Variants in CDK11B observed in about 807,000 individuals in gnomAD.
CDK11B encodes the protein cyclin-dependent kinase 11B.
A neutral mutation model predicts 84.0 loss-of-function variants in CDK11B; 37 were observed. The ratio of observed to expected loss-of-function variants is 0.44; its 90% CI spans 0.34 to 0.58. The LOEUF (loss-of-function observed/expected upper bound fraction) is 0.58. Among genes scored for constraint, CDK11B ranks in the 20% least tolerant of loss-of-function variants. The probability of loss-of-function intolerance (pLI) is 0.02; values close to 1 mark genes in which losing one functional copy is unlikely to be tolerated. For missense variants in CDK11B, 427 were observed against 834.0 expected (o/e 0.51, Z 6.01); for synonymous variants, 269 against 309.8 (o/e 0.87, Z 1.38).
chr1:1,640,739 G>T (rs779721453), intron 10 of CDK11B, among the ~76,000 whole-genome samples: 101 of 152,270 alleles, frequency 6.6e-4, no homozygotes, highest in African/African-American at 2.3e-3. Context: ...CTGCCTGTCG[G>T]AGGCTGGGCC....
At chr1:1,655,607 GA>G in intron 2 of CDK11B, 123 bp from the exon 3 acceptor site, 1 of 1,365,972 alleles carries the variant, frequency 7.3e-7, no homozygotes, top group Non-Finnish European at 9.7e-7. Context: ...TATATACTCT[GA>G]ATGAGCCAGT....
At chr1:1,636,860 G>A in intron 16 of CDK11B, 37 bp downstream of exon 16, 1 of 1,611,696 alleles carries the variant, frequency 6.2e-7, no homozygotes, top group Non-Finnish European at 8.5e-7. Flanking sequence ...GAGGCTGCGT[G>A]GGGGACAGGG....
intron 2 of CDK11B, among the ~76,000 whole-genome samples, chr1:1,655,855 C>T (rs1478086459): frequency 6.6e-6 from 1 of 152,130 alleles, no homozygotes; most frequent in Non-Finnish European, 1.5e-5. Flanking sequence ...TGCACTCCAG[C>T]CTGGCGACAG....
chr1:1,645,292 A>C (rs748765059), intron 5 of CDK11B, 30 bp from the exon 6 acceptor site: 1 of 1,609,954 alleles, frequency 6.2e-7, no homozygotes, highest in Non-Finnish European at 8.5e-7. Flanking sequence ...CATTCCCCCT[A>C]AACAGAAGCT....
At chr1:1,653,580 C>T (rs1372634559) in intron 3 of CDK11B, among the ~76,000 whole-genome samples, 2 of 151,958 alleles carry the variant, frequency 1.3e-5, no homozygotes, top group Non-Finnish European at 2.9e-5. Context: ...CTCAGTCTCT[C>T]AAAGTGTTGG....
chr1:1,637,914 G>A (rs1639629013), intron 12 of CDK11B, 31 bp from the exon 13 acceptor site: 2 of 1,612,546 alleles, frequency 1.2e-6, no homozygotes, highest in Non-Finnish European at 1.7e-6. Context: ...GCACTGAGAG[G>A]CATTCTCAAA....
At chr1:1,637,352 T>C in intron 14 of CDK11B, 56 bp downstream of exon 14, 1 of 1,589,366 alleles carries the variant, frequency 6.3e-7, no homozygotes, top group Non-Finnish European at 8.6e-7. Context: ...ACCGCGGGGG[T>C]GACCAGGACC....
chr1:1,655,426 C>A lies in CDK11B; in HGVS notation c.170G>T (p.Arg57Leu). The A allele has an allele frequency of 6.2e-7, 1 of 1,611,718 alleles. No individual in the cohort carries two copies. The highest frequency in any genetic ancestry group is 8.5e-7 in the Non-Finnish European group (1 of 1,177,894). ...GGAGTTCCTTATTGTGATCTCCATGCGGTGATCTCTCAGCTCCCCCTCCTC... is the reference window on the plus strand; with the variant it reads ...GGAGTTCCTTATTGTGATCTCCATGAGGTGATCTCTCAGCTCCCCCTCCTC... ...SLEEGELRDH[R>L]MEITIRNSPY... The change falls in exon 3 of 20, where the codon CGC becomes CTC. Residue 57 changes from arginine (R) to leucine (L), a missense_variant. By Grantham distance (102) the Arg-to-Leu change is moderately radical (BLOSUM62 -2). Transcript: ENST00000341832.
At position 1,636,353 on chromosome 1, in the gene CDK11B, C is replaced by G. The variant is rs752906606; in HGVS notation, c.2046G>C (p.Gln682His). The change falls in exon 18 of 20, where the codon CAG becomes CAC. Residue 682 changes from glutamine to histidine, a missense_variant. By Grantham distance (24) the Gln-to-His change is conservative. Coordinates refer to ENST00000341832, the MANE Select transcript of CDK11B (RefSeq NM_033486.3). ...CTCACTTGTTCATGAGGTCGAAGCC[C>G]TGGTCTGAGAGCAGAGCCCCGAAGC... is the stretch of plus-strand genomic sequence containing the variant. ...RKRFGALLSD[Q>H]GFDLMNKFLT... 4 of 1,584,204 alleles carry G rather than the reference C, an allele frequency of 2.5e-6. No homozygotes were observed. The highest frequency in any genetic ancestry group is 3.4e-6 in the Non-Finnish European group (4 of 1,165,078).
At chr1:1,649,478 C>T (rs1468990264) in intron 5 of CDK11B, 21 bp downstream of exon 5, 1 of 1,537,490 alleles carries the variant, frequency 6.5e-7, no homozygotes, top group African/African-American at 1.4e-5. Flanking sequence ...ATAAAGTCCT[C>T]AACTGACCCA....
At chr1:1,650,077 TG>T (rs1461742983) in intron 4 of CDK11B, among the ~76,000 whole-genome samples, 7 of 151,120 alleles carry the variant, frequency 4.6e-5, no homozygotes, top group African/African-American at 1.7e-4. Flanking sequence ...GGGACCATCC[TG>T]GCTAACACGG....
intron 1 of CDK11B, among the ~76,000 whole-genome samples, chr1:1,657,926 A>AG (rs1553166541): frequency 0.15 from 16,066 of 110,432 alleles, 775 homozygotes; most frequent in Non-Finnish European, 0.19. Flanking sequence ...AAAAAAAAAA[A>AG]GTAAGCTCTA....
intron 5 of CDK11B, among the ~76,000 whole-genome samples, chr1:1,647,206 T>C (rs1197250740): frequency 1.3e-5 from 2 of 152,266 alleles, no homozygotes; most frequent in East Asian, 3.8e-4. Flanking sequence ...CATCCACAAG[T>C]TGTTTCCAAG....
chr1:1,647,872 T>C (rs577502757), intron 5 of CDK11B, among the ~76,000 whole-genome samples: 25 of 152,324 alleles, frequency 1.6e-4, no homozygotes, highest in South Asian at 1.2e-3. Flanking sequence ...GCAAGGAAAC[T>C]GCAGGTCCTG....
In CDK11B at chr1:1,636,688, C is replaced by T; in HGVS notation, c.1911G>A (p.Val637=). 1 of 1,613,996 alleles carries T rather than the reference C, an allele frequency of 6.2e-7. No individual in the cohort carries two copies. Among genetic ancestry groups the T allele is most frequent in the Non-Finnish European group, 8.5e-7 (1 of 1,179,864 alleles). The change falls in exon 17 of 20, where the codon GTG becomes GTA. Residue 637 remains valine (V), a synonymous_variant. Coordinates refer to ENST00000341832, the MANE Select transcript of CDK11B (RefSeq NM_033486.3). The part of the protein sequence containing the change: ...GKSEIDQINK[V]FKDLGTPSEK... Reference sequence around the variant, plus strand: ...GCAGCAGGGCCAGACCCACCTTGAACACCTTGTTGATCTGATCGATTTCTG... The same window carrying T: ...GCAGCAGGGCCAGACCCACCTTGAATACCTTGTTGATCTGATCGATTTCTG...
intron 3 of CDK11B, among the ~76,000 whole-genome samples, 160 bp from the exon 4 acceptor site, chr1:1,652,726 C>CT (rs1261566383): frequency 6.6e-6 from 1 of 152,002 alleles, no homozygotes; most frequent in African/African-American, 2.4e-5. Context: ...CTTTAGGCAT[C>CT]TTTTTTTTCT....
At chr1:1,649,107 C>CT (rs1343331843) in intron 5 of CDK11B, among the ~76,000 whole-genome samples, 17 of 148,496 alleles carry the variant, frequency 1.1e-4, no homozygotes, top group East Asian at 2.0e-4. Context: ...GTGACTTCTT[C>CT]TTTTTTTTTT....
chr1:1,647,889 C>T (rs1641378698), intron 5 of CDK11B, among the ~76,000 whole-genome samples: 2 of 152,226 alleles, frequency 1.3e-5, no homozygotes, highest in Non-Finnish European at 2.9e-5. Context: ...CCTGCAGCTG[C>T]CCTGTCCCAG....
At chr1:1,652,592 A>G (rs1380225083) in intron 3 of CDK11B, 26 bp from the exon 4 acceptor site, 416,006 of 1,388,280 alleles carry the variant, frequency 0.3, 64,895 homozygotes, top group East Asian at 0.52. Context: ...ACAGCACTGC[A>G]TCATGCTTGA....
Sources: gnomAD v4.1 joint callset for allele counts (sites outside exome capture counted in the v4.1 genomes callset) on GRCh38, gnomAD v4.1.1 for gene constraint, MANE v1.5 for transcripts, NCBI Gene and HGNC (gene_info 2026-07-23, HGNC 2026-07-21) for gene names.